COL21A1: variants seen among roughly 807,000 people sequenced by gnomAD.
COL21A1 encodes collagen type XXI alpha 1 chain, also known as collagen alpha-1(XXI) chain.
A neutral mutation model predicts 137.9 loss-of-function variants in COL21A1; 149 were observed. That is an observed-to-expected ratio of 1.08 (90% confidence interval 0.95 to 1.24). The LOEUF (loss-of-function observed/expected upper bound fraction) is 1.24, where lower values mean the gene tolerates loss of function less well. Ranked by LOEUF, COL21A1 falls within the 50% of genes most tolerant of loss-of-function variation. COL21A1 has a pLI of 0.00. For missense variants in COL21A1, 1,167 were observed against 1,158.4 expected, an observed-to-expected ratio of 1.01 and a Z score of -0.11; for synonymous variants, 456 against 391.5, an observed-to-expected ratio of 1.16 and a Z score of -1.95.
chr6:56,134,008 C>T (rs987049274), intron 12 of COL21A1, among the ~76,000 whole-genome samples: 3 of 152,160 alleles, frequency 2.0e-5, no homozygotes, highest in Admixed American at 1.3e-4. Flanking sequence ...GGGTTGGAGC[C>T]CCCAGAGTCC....
chr6:56,179,662 G>C lies in COL21A1; in HGVS notation c.556C>G (p.Pro186Ala), dbSNP rs1279868794. ...DAELRAIANKPSSTYVFYVED... is the reference protein window; with the variant it reads ...DAELRAIANKASSTYVFYVED... ...ACATAAAACACATAAGTAGACGAAG[G>C]CTTGTTGGCAATAGCTCTAAGTTCG... The change falls in exon 3 of 30, where the codon CCT (proline) becomes GCT (alanine). Residue 186 changes from proline to alanine, a missense_variant. Physicochemically the swap from Pro to Ala is conservative, Grantham distance 27 (BLOSUM62 -1). Transcript: ENST00000244728. 1.9e-6 allele frequency: 3 copies of C among 1,613,696 alleles called. No homozygotes were observed. Among genetic ancestry groups the C allele is most frequent in the Non-Finnish European group, 2.5e-6 (3 of 1,179,832 alleles).
chr6:56,235,534 T>C (rs1027939205), intron 1 of COL21A1, among the ~76,000 whole-genome samples: 1 of 151,966 alleles, frequency 6.6e-6, no homozygotes, highest in Non-Finnish European at 1.5e-5. Context: ...CTGTACTTCT[T>C]TGATAGCTGT....
chr6:56,255,418 G>A (rs1040933427), intron 1 of COL21A1, among the ~76,000 whole-genome samples: 4 of 151,590 alleles, frequency 2.6e-5, no homozygotes, highest in South Asian at 4.2e-4. Flanking sequence ...TGCATAGAGC[G>A]CTGTGAAGGG....
intron 18 of COL21A1, among the ~76,000 whole-genome samples, 199 bp from the exon 19 acceptor site, chr6:56,075,731 T>G (rs1184594983): frequency 6.6e-6 from 1 of 151,428 alleles, no homozygotes; most frequent in African/African-American, 2.4e-5. Flanking sequence ...CTCAATATTT[T>G]TATTATGACA....
At chr6:56,260,273 A>G (rs182618097) in intron 1 of COL21A1, among the ~76,000 whole-genome samples, 1 of 152,232 alleles carries the variant, frequency 6.6e-6, no homozygotes, top group African/African-American at 2.4e-5. Flanking sequence ...GTGAGGTACT[A>G]TTATATTATT....
intron 1 of COL21A1, among the ~76,000 whole-genome samples, chr6:56,189,180 G>C (rs1021861326): frequency 6.6e-6 from 1 of 151,964 alleles, no homozygotes; most frequent in Non-Finnish European, 1.5e-5. Flanking sequence ...CAAGCTAAAG[G>C]AGCATGTTCT....
intron 20 of COL21A1, among the ~76,000 whole-genome samples, chr6:56,073,059 AATT>A (rs1766894972): frequency 6.6e-6 from 1 of 151,356 alleles, no homozygotes; most frequent in East Asian, 1.9e-4. Flanking sequence ...CAACAGATAC[AATT>A]GACCTTCAAC....
chr6:56,264,999 A>T (rs1362205443), intron 1 of COL21A1, among the ~76,000 whole-genome samples: 1 of 152,224 alleles, frequency 6.6e-6, no homozygotes, highest in Non-Finnish European at 1.5e-5. Flanking sequence ...ACTATAAGAA[A>T]GTAGAGGTTC....
intron 1 of COL21A1, among the ~76,000 whole-genome samples, chr6:56,385,411 C>G (rs2094016226): frequency 6.6e-6 from 1 of 152,174 alleles, no homozygotes; most frequent in Non-Finnish European, 1.5e-5. Context: ...CTTGCCTTTT[C>G]CAGCTTCTAG....
chr6:56,124,250 G>A lies in COL21A1; in HGVS notation c.1693C>T (p.Pro565Ser). ...TCTATCAAACTCACAGCAGGTCCAG[G>A]GAGGCCAGGGAAGCCAGCATTCCCC... is the stretch of plus-strand genomic sequence containing the variant. Reference protein sequence around the residue: ...EKGNAGFPGLPGPAGEPGRHG... With the variant: ...EKGNAGFPGLSGPAGEPGRHG... The change falls in exon 15 of 30, where the codon CCT (proline) becomes TCT (serine). Residue 565 changes from proline to serine, a missense_variant. Pro to Ser is a moderately conservative substitution (Grantham distance 74). Transcript: ENST00000244728. 6.2e-7 allele frequency: 1 copy of A among 1,602,576 alleles called. No individual in the cohort carries two copies. The highest frequency in any genetic ancestry group is 1.1e-5 in the South Asian group (1 of 88,650).
At chr6:56,154,628 C>G (rs1437800392) in intron 10 of COL21A1, among the ~76,000 whole-genome samples, 1 of 152,188 alleles carries the variant, frequency 6.6e-6, no homozygotes, top group South Asian at 2.1e-4. Context: ...CATGAAACAA[C>G]CTCCTGCATA....
chr6:56,180,085 AG>A lies in COL21A1; in HGVS notation c.132del (p.Ser45LeufsTer11). 6.2e-7 allele frequency: 1 copy of A among 1,613,650 alleles called. No homozygotes were observed. The highest frequency in any genetic ancestry group is 8.5e-7 in the Non-Finnish European group (1 of 1,179,788). On this transcript the variant is annotated frameshift_variant, in exon 3 of 30. Coordinates refer to ENST00000244728, the MANE Select transcript of COL21A1 (RefSeq NM_030820.4). LOFTEE classifies it high-confidence loss of function. ...APTDLVFILD[G>X]SYSVGPENFE... ...AAGTTTTCTGGGCCAACACTATAAGAGCCATCTAAGATGAAAACTAAATCTG... is the reference window on the plus strand; with the variant it reads ...AAGTTTTCTGGGCCAACACTATAAGACCATCTAAGATGAAAACTAAATCTG...
intron 1 of COL21A1, among the ~76,000 whole-genome samples, chr6:56,339,712 A>C (rs1658994049): frequency 6.6e-6 from 1 of 152,248 alleles, no homozygotes; most frequent in Non-Finnish European, 1.5e-5. Flanking sequence ...GTGAGAACTA[A>C]AGCTTGTGCA....
chr6:56,241,405 C>T (rs911512535), intron 1 of COL21A1, among the ~76,000 whole-genome samples: 3 of 152,198 alleles, frequency 2.0e-5, no homozygotes, highest in Admixed American at 6.5e-5. Flanking sequence ...AAGCCACCTG[C>T]TGTATGGAAT....
chr6:56,064,777 T>C (rs1427803965), intron 23 of COL21A1, among the ~76,000 whole-genome samples, 155 bp from the exon 24 acceptor site: 1 of 152,064 alleles, frequency 6.6e-6, no homozygotes, highest in African/African-American at 2.4e-5. Flanking sequence ...GAAAATCAGT[T>C]ACTCAGCGAA....
intron 1 of COL21A1, among the ~76,000 whole-genome samples, chr6:56,257,999 G>C (rs1036152121): frequency 6.6e-6 from 1 of 151,786 alleles, no homozygotes; most frequent in African/African-American, 2.4e-5. Context: ...GATAATATGG[G>C]TAATTTTTCT....
Position 56,180,146 on chromosome 6 carries a change from A to T in COL21A1, c.89-17T>A. ...TACGACAACCTAAGTGCAAAAGAAA[A>T]CCATCATAGCACATCTTTTATATAA... is the stretch of plus-strand genomic sequence containing the variant. On this transcript the variant is annotated splice_polypyrimidine_tract_variant and intron_variant, in intron 2 of 29. Coordinates refer to ENST00000244728, the MANE Select transcript of COL21A1 (RefSeq NM_030820.4). The T allele has an allele frequency of 6.3e-7, 1 of 1,581,298 alleles. No individual in the cohort carries two copies. The highest frequency in any genetic ancestry group is 1.9e-5 in the Admixed American group (1 of 53,524).
Position 56,320,930 on chromosome 6 carries a change from C to T in COL21A1, c.-39+73041G>A, listed in dbSNP as rs115858120. 3.2e-3 allele frequency among the ~76,000 whole-genome samples: 483 copies of T among 152,120 alleles called. 3 individuals are homozygous for T. The highest frequency in any genetic ancestry group is 0.011 in the African/African-American group (472 of 41,488). ...ACTCCATAAGAGTGACTTTTGTCTG[C>T]TTTACTTACTACTTTATTTTAAATG... is the stretch of plus-strand genomic sequence containing the variant. On this transcript the variant is annotated intron_variant, in intron 1 of 28. Coordinates refer to the COL21A1 transcript ENST00000370819.
chr6:56,317,856 C>T (rs903282090), intron 1 of COL21A1, among the ~76,000 whole-genome samples: 2 of 152,136 alleles, frequency 1.3e-5, no homozygotes, highest in South Asian at 2.1e-4. Context: ...AGTATTTTTA[C>T]AAAACTATAT....
Sources: gnomAD v4.1 joint callset for allele counts (sites outside exome capture counted in the v4.1 genomes callset) on GRCh38, gnomAD v4.1.1 for gene constraint, MANE v1.5 for transcripts, NCBI Gene and HGNC (gene_info 2026-07-23, HGNC 2026-07-21) for gene names.